The following NRG2 variants were observed in gnomAD, a reference collection of about 807,000 sequenced individuals.
The protein encoded by NRG2 is neuregulin 2, also known as pro-neuregulin-2, membrane-bound isoform.
NRG2 carries 27 observed loss-of-function variants against 73.9 expected under a neutral mutation model. The observed-to-expected ratio is 0.37, with a 90% CI of 0.27 to 0.50. The LOEUF (loss-of-function observed/expected upper bound fraction) is 0.50, where lower values mean the gene tolerates loss of function less well. Ranked by LOEUF, NRG2 falls within the 20% of genes least tolerant of loss-of-function variation. The pLI is 0.96. For missense variants in NRG2, 1,126 were observed against 1,210.1 expected, an observed-to-expected ratio of 0.93 and a Z score of 1.03; for synonymous variants, 532 against 541.0, an observed-to-expected ratio of 0.98 and a Z score of 0.23.
intron 1 of NRG2, among the ~76,000 whole-genome samples, chr5:139,938,597 C>T (rs1479871698): frequency 6.6e-6 from 1 of 151,770 alleles, no homozygotes; most frequent in African/African-American, 2.4e-5. Context: ...ACTCCTGAGC[C>T]CAAGTGATTC....
intron 5 of NRG2, among the ~76,000 whole-genome samples, chr5:139,862,705 T>C (rs17118477): frequency 0.089 from 13,584 of 152,346 alleles, 619 homozygotes; most frequent in Middle Eastern, 0.13. Flanking sequence ...CACATGCTCA[T>C]GGGTTTGCTC....
rs1279540556 is a variant in NRG2 at position 139,871,832 on chromosome 5, G to A, written c.1001C>T (p.Thr334Ile). 1.2e-6 allele frequency: 2 copies of A among 1,614,074 alleles called. No individual in the cohort carries two copies. The highest frequency in any genetic ancestry group is 4.5e-5 in the East Asian group (2 of 44,874). ...GRLYVNSVST[T>I]LSSWSGHARK... ...GGCGTGCCCCGACCAGGATGACAGG[G>A]TGGTGCTCACTGAGGGTATGAGAGA... The change falls in exon 4 of 10, where the codon ACC becomes ATC. Residue 334 changes from threonine (T) to isoleucine (I), a missense_variant. Around this residue, in one of 3 missense-constraint regions of NRG2, gnomAD observed 539 missense variants for 703.2 expected, o/e 0.77. Coordinates refer to ENST00000361474, the MANE Select transcript of NRG2 (RefSeq NM_004883.3).
chr5:139,991,052 G>C (rs569616817), intron 1 of NRG2, among the ~76,000 whole-genome samples: 3 of 152,174 alleles, frequency 2.0e-5, no homozygotes, highest in Admixed American at 2.0e-4. Context: ...AAGGCAGGTG[G>C]ATCACGAGGT....
chr5:139,885,029 G>A (rs967073679), intron 2 of NRG2, among the ~76,000 whole-genome samples: 1 of 152,164 alleles, frequency 6.6e-6, no homozygotes, highest in Non-Finnish European at 1.5e-5. Flanking sequence ...ACTACAGCAG[G>A]CAGGGGAGAG....
intron 1 of NRG2, among the ~76,000 whole-genome samples, chr5:139,971,904 G>T (rs1223404355): frequency 6.6e-6 from 1 of 152,042 alleles, no homozygotes. Flanking sequence ...TTATCTAGAA[G>T]AATAAACGTA....
intron 1 of NRG2, among the ~76,000 whole-genome samples, chr5:139,895,190 C>T (rs1465107943): frequency 3.3e-5 from 5 of 152,262 alleles, no homozygotes; most frequent in Non-Finnish European, 7.3e-5. Context: ...TTCCCACCCA[C>T]AGCCCCCTCT....
At chr5:139,944,533 T>C (rs184661436) in intron 1 of NRG2, among the ~76,000 whole-genome samples, 1 of 152,332 alleles carries the variant, frequency 6.6e-6, no homozygotes, top group East Asian at 1.9e-4. Context: ...TCCTGGCTTA[T>C]TTCATTTAAC....
At chr5:139,907,966 C>G (rs1299460492) in intron 1 of NRG2, among the ~76,000 whole-genome samples, 3 of 152,244 alleles carry the variant, frequency 2.0e-5, no homozygotes, top group Admixed American at 6.5e-5. Flanking sequence ...CACATTTTCT[C>G]TCTTGTTATC....
intron 1 of NRG2, among the ~76,000 whole-genome samples, chr5:139,941,815 C>G (rs1481188665): frequency 6.6e-6 from 1 of 152,118 alleles, no homozygotes; most frequent in Non-Finnish European, 1.5e-5. Context: ...CCATTGCAAA[C>G]TTGTGTGGAA....
intron 1 of NRG2, among the ~76,000 whole-genome samples, chr5:139,947,795 A>G (rs1258791799): frequency 6.6e-6 from 1 of 152,184 alleles, no homozygotes; most frequent in Non-Finnish European, 1.5e-5. Flanking sequence ...CATTTCCCTA[A>G]TGACTAATGA....
At chr5:139,963,647 T>C (rs1029977249) in intron 1 of NRG2, among the ~76,000 whole-genome samples, 2 of 152,218 alleles carry the variant, frequency 1.3e-5, no homozygotes, top group African/African-American at 4.8e-5. Flanking sequence ...CTGTAGGTTA[T>C]AGAAGAGGAA....
chr5:139,980,901 G>T (rs1054323793), intron 1 of NRG2, among the ~76,000 whole-genome samples: 1 of 152,126 alleles, frequency 6.6e-6, no homozygotes, highest in African/African-American at 2.4e-5. Context: ...CTCTTGACTT[G>T]ATTACCCCCT....
Position 139,954,100 on chromosome 5 carries a change from G to A in NRG2, c.701-66589C>T, listed in dbSNP as rs1754437081. Among the ~76,000 whole-genome samples, 1 of 152,146 alleles carries A rather than the reference G, an allele frequency of 6.6e-6. No individual in the cohort carries two copies. Among genetic ancestry groups the A allele is most frequent in the Non-Finnish European group, 1.5e-5 (1 of 68,026 alleles). ...GAAAAAAAGAGACCCAGGGAGGGGT[G>A]GGGGACACAGAGCAAGCATGAGGCC... On this transcript the variant is annotated intron_variant, in intron 1 of 9. Coordinates refer to ENST00000361474, the MANE Select transcript of NRG2 (RefSeq NM_004883.3). The surrounding 1 kb of genome is among the most constrained non-coding windows in gnomAD (Gnocchi z 5.0).
At position 140,012,127 on chromosome 5, in the gene NRG2, G is replaced by A. The variant is rs754756248; in HGVS notation, c.700+30243C>T. Among the ~76,000 whole-genome samples the A allele has an allele frequency of 2.6e-5, 4 of 152,040 alleles. No individual in the cohort carries two copies. The East Asian group carries it at 5.8e-4, about 22-fold the overall frequency. ...TCATCTTTATCCCTTTGCACATACCGTTCCCCCTTTCTAAAGTACTTTTCC... is the reference window on the plus strand; with the variant it reads ...TCATCTTTATCCCTTTGCACATACCATTCCCCCTTTCTAAAGTACTTTTCC... On this transcript the variant is annotated intron_variant, in intron 1 of 9. Coordinates refer to ENST00000361474, the MANE Select transcript of NRG2 (RefSeq NM_004883.3).
intron 1 of NRG2, among the ~76,000 whole-genome samples, chr5:139,925,046 G>A (rs1347947846): frequency 1.3e-5 from 2 of 152,162 alleles, no homozygotes; most frequent in Non-Finnish European, 2.9e-5. Context: ...GGAGGGCATG[G>A]GGAGGAGGAA....
At position 139,980,950 on chromosome 5, in the gene NRG2, A is replaced by C. The variant is rs148723178; in HGVS notation, c.700+61420T>G. ...TTGTGCAGAGAAGTGGTTTCTGTAA[A>C]TGTGTCTCAGGGGGCAGGCAGAAGG... On this transcript the variant is annotated intron_variant, in intron 1 of 9. Transcript: ENST00000361474. 1.4e-3 allele frequency among the ~76,000 whole-genome samples: 211 copies of C among 152,280 alleles called. 1 individual carries two copies. Among genetic ancestry groups the C allele is most frequent in the African/African-American group, 4.7e-3 (197 of 41,550 alleles).
chr5:139,945,480 T>C (rs1753736627), intron 1 of NRG2, among the ~76,000 whole-genome samples: 1 of 152,142 alleles, frequency 6.6e-6, no homozygotes, highest in Non-Finnish European at 1.5e-5. Flanking sequence ...GGTTTATTTC[T>C]GGTTCTCTGT....
chr5:139,930,770 A>G (rs1288639499), intron 1 of NRG2, among the ~76,000 whole-genome samples: 1 of 152,240 alleles, frequency 6.6e-6, no homozygotes, highest in Admixed American at 6.5e-5. Context: ...CCATGGGTGG[A>G]TCCTGATGAA....
intron 1 of NRG2, among the ~76,000 whole-genome samples, chr5:140,025,653 A>G (rs1760627152): frequency 6.6e-6 from 1 of 152,152 alleles, no homozygotes; most frequent in South Asian, 2.1e-4. Flanking sequence ...CTGCCTTCAT[A>G]TTTCTACCAA....
Sources: gnomAD v4.1 joint callset for allele counts (sites outside exome capture counted in the v4.1 genomes callset) on GRCh38, gnomAD v4.1.1 for gene constraint, gnomAD v4.1.1 regional missense constraint, Gnocchi (gnomAD v3.1) non-coding constraint, MANE v1.5 for transcripts, NCBI Gene and HGNC (gene_info 2026-07-23, HGNC 2026-07-21) for gene names.